Variants in CUL2 observed in about 807,000 individuals in gnomAD.
The protein encoded by CUL2 is cullin 2.
Under a neutral mutation model 110.2 loss-of-function variants are expected in CUL2, and 22 were observed. That is an observed-to-expected ratio of 0.20 (90% CI 0.14 to 0.28). The LOEUF (loss-of-function observed/expected upper bound fraction) is 0.28, where lower values mean the gene tolerates loss of function less well. CUL2 is among the 10% of genes least tolerant of loss of function. The pLI, the probability that CUL2 is intolerant of heterozygous loss-of-function variation, is 1.00. For missense variants in CUL2, 631 were observed against 905.5 expected (o/e 0.70, Z 3.89); for synonymous variants, 279 against 293.2 (o/e 0.95, Z 0.49).
chr10:35,083,407 T>C (rs1447968863), intron 1 of CUL2, among the ~76,000 whole-genome samples: 1 of 152,178 alleles, frequency 6.6e-6, no homozygotes, highest in Admixed American at 6.5e-5. Context: ...CTCTGTTCAC[T>C]GAGAAGGGCC....
intron 1 of CUL2, among the ~76,000 whole-genome samples, chr10:35,103,290 C>A (rs140086156): frequency 6.7e-6 from 1 of 148,526 alleles, no homozygotes; most frequent in Admixed American, 6.8e-5. Context: ...CACAGGCGCC[C>A]GCCACCAGGC....
At position 35,055,503 on chromosome 10, in the gene CUL2, C is replaced by T. The variant is rs146558019; in HGVS notation, c.318-964G>A. On this transcript the variant is annotated intron_variant, in intron 4 of 20. Transcript: ENST00000374749. ...ATCCCAGTGCTTTGGGAGGCTGAGGCGGGAGGATCACTTGAGGCCAGCAGT... is the reference window on the plus strand; with the variant it reads ...ATCCCAGTGCTTTGGGAGGCTGAGGTGGGAGGATCACTTGAGGCCAGCAGT... Among the ~76,000 whole-genome samples the T allele has an allele frequency of 3.2e-3, 485 of 152,256 alleles. 2 individuals carry two copies. The highest frequency in any genetic ancestry group is 3.1e-3 in the Non-Finnish European group (210 of 68,020).
intron 16 of CUL2, 37 bp downstream of exon 16, chr10:35,028,772 AT>A (rs1382572950): frequency 2.3e-6 from 3 of 1,328,746 alleles, no homozygotes; most frequent in Non-Finnish European, 3.2e-6. Flanking sequence ...AATTATTAAA[AT>A]TCCTTTAGTC....
intron 1 of CUL2, among the ~76,000 whole-genome samples, chr10:35,103,328 TTTTTA>T (rs779667272): frequency 0.17 from 19,407 of 117,374 alleles, 1,871 homozygotes; most frequent in Non-Finnish European, 0.23. Context: ...TTTTTTTTTT[TTTTTA>T]TTTTTTTTTG....
intron 4 of CUL2, among the ~76,000 whole-genome samples, chr10:35,055,741 CT>C (rs34740379): frequency 0.13 from 20,532 of 152,096 alleles, 1,574 homozygotes; most frequent in South Asian, 0.2. Context: ...AGATCATACT[CT>C]TTTTTTTCCC....
intron 10 of CUL2, 44 bp downstream of exon 10, chr10:35,035,128 G>A: frequency 1.9e-6 from 3 of 1,611,044 alleles, no homozygotes; most frequent in Non-Finnish European, 2.5e-6. Context: ...CTCCACGCTG[G>A]ATCTGATTAG....
chr10:35,021,966 G>C lies in CUL2; in HGVS notation c.1684+3166C>G, dbSNP rs193054630. Among the ~76,000 whole-genome samples the C allele has an allele frequency of 5.9e-3, 891 of 151,848 alleles. 13 individuals are homozygous for C. The highest frequency in any genetic ancestry group is 0.02 in the African/African-American group (843 of 41,392). On this transcript the variant is annotated intron_variant, in intron 17 of 20. Transcript: ENST00000374749. ...TTAGCTCTTGAAAACAAGTTGAGAT[G>C]TGATTTCCCCAGAAGACTTCCCTCG...
rs776842038 is a variant in CUL2, at chr10:35,013,073, GT to G, written c.1989+625del. Among the ~76,000 whole-genome samples, 262 of 152,250 alleles carry G rather than the reference GT, an allele frequency of 1.7e-3. 1 individual carries two copies. The highest frequency in any genetic ancestry group is 3.5e-3 in the Non-Finnish European group (237 of 68,008). On this transcript the variant is annotated intron_variant, in intron 19 of 20. Coordinates refer to ENST00000374749, the MANE Select transcript of CUL2 (RefSeq NM_003591.4). ...AATGAGCTGTAGGCCAGGCGCGGTGGTTCACACCTGTAATCCCAGCACTTTG... is the reference window on the plus strand; with the variant it reads ...AATGAGCTGTAGGCCAGGCGCGGTGGTCACACCTGTAATCCCAGCACTTTG...
chr10:35,035,399 G>A (rs1417493463), intron 9 of CUL2, 103 bp from the exon 10 acceptor site: 8 of 1,293,542 alleles, frequency 6.2e-6, no homozygotes, highest in Middle Eastern at 2.0e-4. Context: ...TCCAAGTGCA[G>A]AGCACCCAGA....
At chr10:35,060,845 G>C in intron 4 of CUL2, 29 bp downstream of exon 4, 1 of 1,569,868 alleles carries the variant, frequency 6.4e-7, no homozygotes. Context: ...ACGCTGCTTA[G>C]CTTGTCTAGA....
At chr10:35,076,914 T>C (rs2086833327) in intron 1 of CUL2, among the ~76,000 whole-genome samples, 1 of 152,006 alleles carries the variant, frequency 6.6e-6, no homozygotes, top group African/African-American at 2.4e-5. Flanking sequence ...TAGCCAGGTG[T>C]GGTTGTGGGC....
chr10:35,086,851 A>T (rs1165088103), intron 1 of CUL2, among the ~76,000 whole-genome samples: 2 of 152,210 alleles, frequency 1.3e-5, no homozygotes, highest in African/African-American at 2.4e-5. Context: ...CTTAACTACT[A>T]TTTAACACTC....
intron 17 of CUL2, among the ~76,000 whole-genome samples, chr10:35,016,959 T>C (rs1280549964): frequency 2.7e-5 from 4 of 150,708 alleles, no homozygotes; most frequent in Non-Finnish European, 4.4e-5. Context: ...AAAAAGTCTT[T>C]AAATATTAAT....
chr10:35,092,907 C>T (rs1236103423), upstream of CUL2, among the ~76,000 whole-genome samples: 1 of 148,042 alleles, frequency 6.8e-6, no homozygotes, highest in Non-Finnish European at 1.5e-5. Context: ...TAATATACTC[C>T]CTTACTGCTC....
At chr10:35,095,414 A>T (rs547682707), upstream of CUL2, among the ~76,000 whole-genome samples, 1 of 152,164 alleles carries the variant, frequency 6.6e-6, no homozygotes, top group South Asian at 2.1e-4. Context: ...GTTGATGTAC[A>T]TAACTCACAA....
At chr10:35,091,591 A>G (rs1459919559), upstream of CUL2, among the ~76,000 whole-genome samples, 1 of 151,580 alleles carries the variant, frequency 6.6e-6, no homozygotes, top group Non-Finnish European at 1.5e-5. Context: ...AAGGTTAACA[A>G]CTAGTTTGTT....
rs12261333 is a variant in CUL2, at chr10:35,043,541, C to T, written c.714+1025G>A. ...CTTGTGGCCTAGGGATGTAGGATGACAGCTCACCCACTTAAACTACTCGAC... is the reference window on the plus strand; with the variant it reads ...CTTGTGGCCTAGGGATGTAGGATGATAGCTCACCCACTTAAACTACTCGAC... On this transcript the variant is annotated intron_variant, in intron 8 of 20. Coordinates refer to ENST00000374749, the MANE Select transcript of CUL2 (RefSeq NM_003591.4). Among the ~76,000 whole-genome samples the T allele has an allele frequency of 9.1e-3, 1,385 of 152,260 alleles. 25 individuals carry two copies. Among genetic ancestry groups the T allele is most frequent in the African/African-American group, 0.032 (1,314 of 41,534 alleles).
rs1443783025 is a variant in CUL2 at position 35,071,250 on chromosome 10, G to C, written c.68C>G (p.Ala23Gly). Residue 23 changes from alanine (A) to glycine (G), a missense_variant, in exon 2 of 21, where the codon GCC becomes GGC. By Grantham distance (60) the Ala-to-Gly change is moderately conservative (BLOSUM62 0). This residue lies in a region of CUL2 where 338 missense variants were observed against 442.5 expected (regional missense o/e 0.76). Transcript: ENST00000374749. Reference protein sequence around the residue: ...TWNKLLTTIKAVVMLEYVERA... With the variant: ...TWNKLLTTIKGVVMLEYVERA... ...TTCGACGTATTCCAACATGACCACG[G>C]CTTTTATTGTCGTCAAAAGTTTGTT... 6.2e-7 allele frequency: 1 copy of C among 1,613,856 alleles called. No individual in the cohort carries two copies. The highest frequency in any genetic ancestry group is 8.5e-7 in the Non-Finnish European group (1 of 1,179,914).
chr10:35,119,795 C>T (rs903390570), intron 1 of CUL2, among the ~76,000 whole-genome samples: 1 of 151,960 alleles, frequency 6.6e-6, no homozygotes, highest in African/African-American at 2.4e-5. Context: ...ATCTCGAACT[C>T]CTGGCTTCAA....
Sources: allele counts gnomAD v4.1 joint callset (sites outside exome capture counted in the v4.1 genomes callset), GRCh38; gene constraint gnomAD v4.1.1; regional missense constraint gnomAD v4.1.1; transcripts MANE v1.5; gene names NCBI Gene and HGNC (gene_info 2026-07-23, HGNC 2026-07-21).